PLEKHA8: variants seen among roughly 807,000 people sequenced by gnomAD.
PLEKHA8 encodes the protein pleckstrin homology domain-containing family A member 8.
A neutral mutation model predicts 68.2 loss-of-function variants in PLEKHA8; 36 were observed. That is an observed-to-expected ratio of 0.53 (90% CI 0.40 to 0.70). PLEKHA8 has a LOEUF of 0.70. Among genes scored for constraint, PLEKHA8 ranks in the 30% least tolerant of loss-of-function variants. The probability of loss-of-function intolerance (pLI) is 0.00; values close to 1 mark genes in which losing one functional copy is unlikely to be tolerated. For synonymous variants in PLEKHA8, 211 were observed against 216.1 expected (o/e 0.98, Z 0.20); for missense variants, 505 against 615.4 (o/e 0.82, Z 1.90).
intron 13 of PLEKHA8, among the ~76,000 whole-genome samples, chr7:30,109,602 AAAAAAAAAAAAG>A (rs1271704039): frequency 7.0e-6 from 1 of 142,922 alleles, no homozygotes; most frequent in African/African-American, 2.6e-5. Context: ...AAAAAAAAAA[AAAAAAAAAAAAG>A]AGAGAGAGAT....
At chr7:30,086,413 A>G (rs1225251094), downstream of PLEKHA8, among the ~76,000 whole-genome samples, 1 of 152,214 alleles carries the variant, frequency 6.6e-6, no homozygotes, top group African/African-American at 2.4e-5. Context: ...GATGGGAGGT[A>G]TATGAAGGGA....
At chr7:30,043,602 A>G (rs1205789615) in intron 1 of PLEKHA8, among the ~76,000 whole-genome samples, 1 of 152,190 alleles carries the variant, frequency 6.6e-6, no homozygotes. Context: ...AGTCCTGAGT[A>G]TTGCACTTTC....
downstream of PLEKHA8, among the ~76,000 whole-genome samples, chr7:30,086,001 C>A (rs1016439123): frequency 1.3e-5 from 2 of 152,220 alleles, no homozygotes; most frequent in Non-Finnish European, 2.9e-5. Context: ...TGAAGTTCCT[C>A]TTCTTGAGAA....
At chr7:30,085,901 A>G (rs970234330), downstream of PLEKHA8, among the ~76,000 whole-genome samples, 3 of 152,204 alleles carry the variant, frequency 2.0e-5, no homozygotes, top group African/African-American at 7.2e-5. Context: ...ATGCAGAATC[A>G]TGTAGTAGCC....
At chr7:30,052,545 C>T (rs1026841902) in intron 6 of PLEKHA8, among the ~76,000 whole-genome samples, 164 bp from the exon 7 acceptor site, 1 of 150,810 alleles carries the variant, frequency 6.6e-6, no homozygotes, top group Non-Finnish European at 1.5e-5. Context: ...GAGTGCTGGG[C>T]TCAAGTAGGA....
At chr7:30,122,112 G>A (rs1796706402) in intron 13 of PLEKHA8, among the ~76,000 whole-genome samples, 1 of 152,212 alleles carries the variant, frequency 6.6e-6, no homozygotes, top group Admixed American at 6.5e-5. Context: ...CTGCCTGGGC[G>A]TCCATCAGAT....
intron 12 of PLEKHA8, among the ~76,000 whole-genome samples, chr7:30,071,405 C>G (rs1293914352): frequency 2.0e-5 from 3 of 152,216 alleles, no homozygotes; most frequent in Non-Finnish European, 4.4e-5. Flanking sequence ...ACTCTGCTCT[C>G]TACCCTACCC....
At position 30,028,735 on chromosome 7, in the gene PLEKHA8, G is replaced by A. The variant is rs1790401898; in HGVS notation, c.-28G>A. On this transcript the variant is annotated 5_prime_UTR_variant, in exon 1 of 14. Transcript: ENST00000449726. The stretch of plus-strand genomic sequence containing the variant: ...GGCCTGGGGCAGTGAGGGGGCCGGC[G>A]GGCGTGGGCCGAGTGGCCGCGGGCG... 1.6e-6 allele frequency: 2 copies of A among 1,251,750 alleles called. No homozygotes were observed. The highest frequency in any genetic ancestry group is 2.0e-6 in the Non-Finnish European group (2 of 990,892). The allele number at this position is 1,251,750 out of a possible 1,614,324, so 77.5% of individuals were successfully genotyped here.
At chr7:30,074,272 GTA>G in intron 13 of PLEKHA8, 140 bp downstream of exon 13, 4 of 629,800 alleles carry the variant, frequency 6.4e-6, no homozygotes, top group East Asian at 5.9e-5. Flanking sequence ...GTGTGTGTGT[GTA>G]TGTGTGGTGT....
intron 1 of PLEKHA8, among the ~76,000 whole-genome samples, chr7:30,039,611 T>G (rs530947926): frequency 6.6e-6 from 1 of 152,354 alleles, no homozygotes; most frequent in Non-Finnish European, 1.5e-5. Context: ...ACTTTCATTT[T>G]CAGATTTTTC....
Position 30,038,620 on chromosome 7 carries a change from T to TA in PLEKHA8, c.41-6464dup, listed in dbSNP as rs566996744. On this transcript the variant is annotated intron_variant, in intron 1 of 13. Coordinates refer to ENST00000449726, the MANE Select transcript of PLEKHA8 (RefSeq NM_001197026.2). ...ATTATTGCGGTGGTTATTAAAGGAC[T>TA]ATGCATTTATCAAAACTCAGAATTG... Among the ~76,000 whole-genome samples the TA allele has an allele frequency of 6.7e-3, 1,024 of 152,310 alleles. 7 individuals carry two copies. The highest frequency in any genetic ancestry group is 0.01 in the Non-Finnish European group (684 of 68,010).
At chr7:30,115,569 T>C (rs532761549) in intron 13 of PLEKHA8, among the ~76,000 whole-genome samples, 5 of 50,664 alleles carry the variant, frequency 9.9e-5, no homozygotes, top group African/African-American at 2.1e-4. Context: ...TAGACATATG[T>C]ATACATGCAC....
intron 12 of PLEKHA8, among the ~76,000 whole-genome samples, chr7:30,070,762 T>G (rs747798027): frequency 3.3e-5 from 5 of 152,140 alleles, no homozygotes; most frequent in Non-Finnish European, 7.4e-5. Flanking sequence ...TCCAGGCTGG[T>G]CTTGAGCTCC....
chr7:30,070,342 G>T (rs750431947), intron 12 of PLEKHA8, among the ~76,000 whole-genome samples: 1 of 152,104 alleles, frequency 6.6e-6, no homozygotes, highest in Non-Finnish European at 1.5e-5. Context: ...AGACAGATGT[G>T]CTGCTGTACA....
intron 13 of PLEKHA8, among the ~76,000 whole-genome samples, chr7:30,104,132 A>C (rs1480184357): frequency 4.6e-5 from 7 of 152,248 alleles, no homozygotes; most frequent in Admixed American, 1.3e-4. Flanking sequence ...GGGTAATGCA[A>C]AATAAAACTA....
Position 30,045,144 on chromosome 7 carries a change from G to A in PLEKHA8, c.100G>A (p.Glu34Lys). ...GGILSYYDSP[E>K]DAWKGCKGSI... ...AATATTGTCCTATTATGATTCTCCTGAAGATGCCTGGAAAGGTTGCAAAGG... is the reference window on the plus strand; with the variant it reads ...AATATTGTCCTATTATGATTCTCCTAAAGATGCCTGGAAAGGTTGCAAAGG... The change falls in exon 2 of 14, where the codon GAA becomes AAA. Residue 34 changes from glutamate to lysine, a missense_variant. By Grantham distance (56) the Glu-to-Lys change is moderately conservative. Transcript: ENST00000449726. The A allele has an allele frequency of 6.2e-7, 1 of 1,612,260 alleles. No homozygotes were observed. Among genetic ancestry groups the A allele is most frequent in the Non-Finnish European group, 8.5e-7 (1 of 1,179,162 alleles).
chr7:30,054,650 A>G lies in PLEKHA8; in HGVS notation c.797-59A>G, dbSNP rs1792682577. The G allele has an allele frequency of 5.4e-6, 6 of 1,103,320 alleles. No homozygotes were observed. In the South Asian group the frequency reaches 1.7e-4, roughly 32 times the overall value. The allele number at this position is 1,103,320 out of a possible 1,614,324, so 68.3% of individuals were successfully genotyped here. The stretch of plus-strand genomic sequence containing the variant: ...GTGTTTTAGAAATTTTCAACAATCA[A>G]TATGTATTTTTATAATAAATATATA... On this transcript the variant is annotated intron_variant, in intron 7 of 13. Coordinates refer to ENST00000449726, the MANE Select transcript of PLEKHA8 (RefSeq NM_001197026.2).
chr7:30,059,720 T>A (rs1302703004), intron 9 of PLEKHA8, among the ~76,000 whole-genome samples: 1 of 152,068 alleles, frequency 6.6e-6, no homozygotes, highest in Non-Finnish European at 1.5e-5. Context: ...GCTTTTTAGC[T>A]ATACCTCTTT....
rs541581689 is a variant in PLEKHA8 at position 30,108,024 on chromosome 7, G to A, written c.1363-21242G>A. On this transcript the variant is annotated intron_variant, in intron 13 of 13. Transcript: ENST00000396257. ...GCAGAGGTTGCAGTGAGCAGAGATCGCGCTATTGCACTCCAGCCTGGGCAA... is the reference window on the plus strand; with the variant it reads ...GCAGAGGTTGCAGTGAGCAGAGATCACGCTATTGCACTCCAGCCTGGGCAA... 7.1e-4 allele frequency among the ~76,000 whole-genome samples: 97 copies of A among 135,822 alleles called. 1 individual carries two copies. Among genetic ancestry groups the A allele is most frequent in the Middle Eastern group, 0.011 (2 of 174 alleles). 89.1% of individuals were successfully genotyped at this position (135,822 alleles called of 152,430 possible).
Sources: allele counts gnomAD v4.1 joint callset (sites outside exome capture counted in the v4.1 genomes callset), GRCh38; gene constraint gnomAD v4.1.1; transcripts MANE v1.5; gene names NCBI Gene and HGNC (gene_info 2026-07-23, HGNC 2026-07-21).